The following SRC variants were observed in gnomAD, a reference collection of about 807,000 sequenced individuals.
SRC encodes proto-oncogene tyrosine-protein kinase Src.
A neutral mutation model predicts 62.9 loss-of-function variants in SRC; 13 were observed. The observed-to-expected ratio is 0.21, with a 90% CI of 0.13 to 0.33. SRC has a LOEUF of 0.33. Ranked by LOEUF, SRC falls within the 10% of genes least tolerant of loss-of-function variation. The probability of loss-of-function intolerance (pLI) is 1.00; values close to 1 mark genes in which losing one functional copy is unlikely to be tolerated. For synonymous variants in SRC, 302 were observed against 317.5 expected, an observed-to-expected ratio of 0.95 and a Z score of 0.52; for missense variants, 457 against 737.3, an observed-to-expected ratio of 0.62 and a Z score of 4.40.
chr20:37,353,106 A>G (rs749750636), intron 1 of SRC, among the ~76,000 whole-genome samples: 20 of 152,192 alleles, frequency 1.3e-4, no homozygotes, highest in Non-Finnish European at 2.1e-4. Context: ...AGCCCTTTAC[A>G]GTTTACAAAG....
At chr20:37,347,224 T>C (rs762945504) in intron 1 of SRC, among the ~76,000 whole-genome samples, 7 of 152,172 alleles carry the variant, frequency 4.6e-5, no homozygotes, top group Non-Finnish European at 1.0e-4. Flanking sequence ...CAGTGGTTGC[T>C]GGGTCACCTG....
intron 5 of SRC, chr20:37,393,688 T>C: frequency 3.6e-6 from 2 of 563,032 alleles, no homozygotes; most frequent in Non-Finnish European, 3.2e-6. Context: ...GATCCAGCTT[T>C]GGCAAAAAGG....
At chr20:37,378,670 G>A (rs113585097) in intron 2 of SRC, among the ~76,000 whole-genome samples, 10 of 152,280 alleles carry the variant, frequency 6.6e-5, no homozygotes, top group African/African-American at 2.2e-4. Flanking sequence ...CCCTCTCTGA[G>A]GAACACGTAG....
In SRC at chr20:37,346,204, C is replaced by A; in HGVS notation, c.-298C>A. On this transcript the variant is annotated 5_prime_UTR_variant, in exon 1 of 14. Coordinates refer to ENST00000373578, the MANE Select transcript of SRC (RefSeq NM_198291.3). ...CCCGTCCCGCTGGACGTCCCGCGGT[C>A]CGCCCTCCCGTGCGTCCGTCTGCCG... 6.6e-6 allele frequency: 1 copy of A among 151,554 alleles called. No individual in the cohort carries two copies. Among genetic ancestry groups the A allele is most frequent in the South Asian group, 1.9e-4 (1 of 5,140 alleles). 9.4% of individuals were successfully genotyped at this position (151,554 alleles called of 1,614,324 possible). A position where few individuals can be genotyped will look rare whatever the true frequency, so the allele number is the denominator to read the frequency against.
At chr20:37,394,022 C>T (rs376271543) in intron 6 of SRC, 29 bp downstream of exon 6, 37 of 1,605,618 alleles carry the variant, frequency 2.3e-5, no homozygotes, top group South Asian at 7.7e-5. Flanking sequence ...TGCCTCTACC[C>T]GTCGTCCCTG....
At chr20:37,361,603 G>A (rs2069970306) in intron 1 of SRC, among the ~76,000 whole-genome samples, 1 of 152,238 alleles carries the variant, frequency 6.6e-6, no homozygotes, top group African/African-American at 2.4e-5. Flanking sequence ...GGGTGCCATG[G>A]GCAGGGGCCG....
rs971529589 is a variant in SRC at position 37,365,219 on chromosome 20, C to T, written c.-231C>T. 1 of 152,092 alleles carries T rather than the reference C, an allele frequency of 6.6e-6. No homozygotes were observed. Among genetic ancestry groups the T allele is most frequent in the African/African-American group, 2.4e-5 (1 of 41,390 alleles). 9.4% of individuals were successfully genotyped at this position (152,092 alleles called of 1,614,324 possible). The stretch of plus-strand genomic sequence containing the variant: ...CCCTTTACAGAACAGAGAACAGAAG[C>T]TCAGAGAAGTGAAGCAACTTGCCCA... On this transcript the variant is annotated 5_prime_UTR_variant, in exon 2 of 14. Transcript: ENST00000373578.
At chr20:37,388,634 G>C (rs1304921821) in intron 5 of SRC, among the ~76,000 whole-genome samples, 1 of 152,222 alleles carries the variant, frequency 6.6e-6, no homozygotes, top group African/African-American at 2.4e-5. Flanking sequence ...AGTGGTCCCA[G>C]CTACTCAGGA....
chr20:37,360,387 C>G (rs1260585237), intron 1 of SRC, among the ~76,000 whole-genome samples: 1 of 151,750 alleles, frequency 6.6e-6, no homozygotes, highest in East Asian at 1.9e-4. Flanking sequence ...CCCCACCTGG[C>G]TAGTTTTTAA....
rs1403399517 is a variant in SRC at position 37,351,502 on chromosome 20, C to A, written c.-247+5247C>A. On this transcript the variant is annotated intron_variant, in intron 1 of 13. Transcript: ENST00000373578. The surrounding 1 kb of genome is among the most constrained non-coding windows in gnomAD (Gnocchi z 4.4). ...GAACGGGTTCTTTTGAACCCTTGGA[C>A]CTGCTGGGCTATGAGGCTGGCACAG... 1.3e-5 allele frequency among the ~76,000 whole-genome samples: 2 copies of A among 152,106 alleles called. No individual in the cohort carries two copies.
At position 37,387,506 on chromosome 20, in the gene SRC, T is replaced by C. The variant is rs532157063; in HGVS notation, c.350+1332T>C. On this transcript the variant is annotated intron_variant, in intron 5 of 13. Coordinates refer to ENST00000373578, the MANE Select transcript of SRC (RefSeq NM_198291.3). ...AGCTGCCAAGTAGCAAAGCCAGGATTGGAACCGAAGCAGCAACTTTCTGCC... is the reference window on the plus strand; with the variant it reads ...AGCTGCCAAGTAGCAAAGCCAGGATCGGAACCGAAGCAGCAACTTTCTGCC... Among the ~76,000 whole-genome samples, 283 of 125,236 alleles carry C rather than the reference T, an allele frequency of 2.3e-3. 1 individual carries two copies. The highest frequency in any genetic ancestry group is 8.1e-3 in the African/African-American group (266 of 32,882). 82.2% of individuals were successfully genotyped at this position (125,236 alleles called of 152,430 possible). A position where few individuals can be genotyped will look rare whatever the true frequency, so the allele number is the denominator to read the frequency against.
intron 1 of SRC, among the ~76,000 whole-genome samples, chr20:37,353,368 G>C (rs2069835284): frequency 6.6e-6 from 1 of 152,168 alleles, no homozygotes; most frequent in Non-Finnish European, 1.5e-5. Context: ...TGGAGGTTCA[G>C]AGAGGTAAAG....
In SRC at chr20:37,386,175, G is replaced by A. The variant is rs2147060512; in HGVS notation, c.350+1G>A. On this transcript the variant is annotated splice_donor_variant, in intron 5 of 13. Transcript: ENST00000373578. LOFTEE classifies it high-confidence loss of function. ...AGCGGCTCCAGATTGTCAACAACAC[G>A]TGAGTGCCCCCTTCCCTATTGCCCC... 1 of 1,614,056 alleles carries A rather than the reference G, an allele frequency of 6.2e-7. No homozygotes were observed. The highest frequency in any genetic ancestry group is 8.5e-7 in the Non-Finnish European group (1 of 1,179,910).
chr20:37,386,317 G>A (rs2070454794), intron 5 of SRC, 143 bp downstream of exon 5: 4 of 834,410 alleles, frequency 4.8e-6, no homozygotes, highest in Non-Finnish European at 8.3e-6. Context: ...GGAGGCAGGC[G>A]CCTGCTGCAC....
At position 37,403,013 on chromosome 20, in the gene SRC, C is replaced by G; in HGVS notation, c.1402+133C>G. 1 of 1,348,508 alleles carries G rather than the reference C, an allele frequency of 7.4e-7. No individual in the cohort carries two copies. The highest frequency in any genetic ancestry group is 9.9e-7 in the Non-Finnish European group (1 of 1,006,678). The allele number at this position is 1,348,508 out of a possible 1,614,324, so 83.5% of individuals were successfully genotyped here. A position where few individuals can be genotyped will look rare whatever the true frequency, so the allele number is the denominator to read the frequency against. On this transcript the variant is annotated intron_variant, in intron 13 of 13. Coordinates refer to ENST00000373578, the MANE Select transcript of SRC (RefSeq NM_198291.3). The surrounding 1 kb of genome is among the most constrained non-coding windows in gnomAD (Gnocchi z 7.1). ...GAAGTTGAGCGTCTGATGTTAGGCT[C>G]TCTCGATGGTCCATGCTCTCAGCTT...
Position 37,396,105 on chromosome 20 carries a change from C to T in SRC, c.554-57C>T. 7 of 1,589,368 alleles carry T rather than the reference C, an allele frequency of 4.4e-6. No homozygotes were observed. Among genetic ancestry groups the T allele is most frequent in the Non-Finnish European group, 6.0e-6 (7 of 1,170,830 alleles). On this transcript the variant is annotated intron_variant, in intron 7 of 13. Coordinates refer to ENST00000373578, the MANE Select transcript of SRC (RefSeq NM_198291.3). The surrounding 1 kb of genome is among the most constrained non-coding windows in gnomAD (Gnocchi z 6.1). ...GGCAGGCACAGAACGGTGTCCAGAGCAGCGGCCTGCGGGGGGAGAGGGCAT... is the reference window on the plus strand; with the variant it reads ...GGCAGGCACAGAACGGTGTCCAGAGTAGCGGCCTGCGGGGGGAGAGGGCAT...
In SRC at chr20:37,394,164, C is replaced by T. The variant is rs780470215; in HGVS notation, c.450-10C>T. 1 of 1,612,500 alleles carries T rather than the reference C, an allele frequency of 6.2e-7. No individual in the cohort carries two copies. The highest frequency in any genetic ancestry group is 2.2e-5 in the East Asian group (1 of 44,882). ...ACAGTCAGCACCATCCTCCGTCCTC[C>T]CACCCCCAGGTGGTATTTTGGCAAG... On this transcript the variant is annotated splice_polypyrimidine_tract_variant and intron_variant, in intron 6 of 13. Coordinates refer to ENST00000373578, the MANE Select transcript of SRC (RefSeq NM_198291.3).
intron 7 of SRC, 140 bp downstream of exon 7, chr20:37,394,417 T>G (rs531997430): frequency 1.4e-6 from 1 of 696,918 alleles, no homozygotes; most frequent in East Asian, 2.7e-5. Context: ...AGGATCAAAG[T>G]CAGGGAGGTG....
At chr20:37,401,521 C>T (rs1418433885) in intron 10 of SRC, 81 bp from the exon 11 acceptor site, 7 of 1,121,596 alleles carry the variant, frequency 6.2e-6, no homozygotes, top group Non-Finnish European at 9.2e-6. Flanking sequence ...GGCCAGCCAC[C>T]TGGGAGGATG....
Sources: gnomAD v4.1 joint callset for allele counts (sites outside exome capture counted in the v4.1 genomes callset) on GRCh38, gnomAD v4.1.1 for gene constraint, Gnocchi (gnomAD v3.1) non-coding constraint, MANE v1.5 for transcripts, NCBI Gene and HGNC (gene_info 2026-07-23, HGNC 2026-07-21) for gene names.